ELF4: variants seen among roughly 807,000 people sequenced by gnomAD.
The protein encoded by ELF4 is E74 like ETS transcription factor 4, also known as ETS-related transcription factor Elf-4.
In ELF4, 10 loss-of-function variants were observed where a neutral mutation model predicts 31.7. The observed-to-expected ratio is 0.32, with a 90% CI of 0.19 to 0.54. ELF4 has a LOEUF of 0.54. Ranked by LOEUF, ELF4 falls within the 20% of genes least tolerant of loss-of-function variation. The probability of loss-of-function intolerance (pLI) is 0.95; values close to 1 mark genes in which losing one functional copy is unlikely to be tolerated. For missense variants in ELF4, 418 were observed against 522.0 expected (o/e 0.80, Z 1.94); for synonymous variants, 208 against 226.7 (o/e 0.92, Z 0.74).
At chrX:130,068,208 C>T (rs1220956846) in intron 8 of ELF4, among the ~76,000 whole-genome samples, 1 of 112,119 alleles carries the variant, frequency 8.9e-6, no homozygotes, top group Non-Finnish European at 1.9e-5. Context: ...TGAAAACAGC[C>T]CACAAGTGGG....
chrX:130,102,343 ATTATAAAGCTACAGTAATCAAAACAGT>A (rs1933276556), intron 1 of ELF4, among the ~76,000 whole-genome samples: 1 of 112,300 alleles, frequency 8.9e-6, no homozygotes, highest in Non-Finnish European at 1.9e-5. Flanking sequence ...TTCAAGAATG[ATTATAAAGCTACAGTAATCAAAACAGT>A]TGGTGTTAAT....
At chrX:130,091,976 C>T (rs1933066596) in intron 1 of ELF4, among the ~76,000 whole-genome samples, 1 of 112,167 alleles carries the variant, frequency 8.9e-6, no homozygotes, top group African/African-American at 3.2e-5. Flanking sequence ...CCCCATGGGC[C>T]TCCCTCACTC....
chrX:130,091,832 C>T (rs1046006529), intron 1 of ELF4, among the ~76,000 whole-genome samples: 8 of 111,640 alleles, frequency 7.2e-5, no homozygotes, highest in African/African-American at 2.6e-4. Context: ...GCCTGTCTAG[C>T]CCTATGACTT....
chrX:130,111,475 G>T (rs1027052322), upstream of ELF4, among the ~76,000 whole-genome samples: 8 of 112,940 alleles, frequency 7.1e-5, no homozygotes, highest in African/African-American at 2.2e-4. Context: ...GGGTGAGGCC[G>T]CGAGATGCCC....
rs1415756374 is a variant in ELF4, at chrX:130,065,102, G to A, written c.*1619C>T. 2.3e-5 allele frequency: 4 copies of A among 173,251 alleles called. No individual in the cohort carries two copies. The highest frequency in any genetic ancestry group is 7.9e-5 in the Admixed American group (1 of 12,595). The allele number at this position is 173,251 out of a possible 1,213,427, so 14.3% of individuals were successfully genotyped here. ...ACAAAGAAGAGAAGAGCGAGAGCGC[G>A]GCCAGGGGAGGTAGTTAGGTCAAGT... On this transcript the variant is annotated 3_prime_UTR_variant, in exon 9 of 9. Transcript: ENST00000308167.
intron 1 of ELF4, among the ~76,000 whole-genome samples, chrX:130,095,954 C>T (rs1036673400): frequency 9.0e-6 from 1 of 111,586 alleles, no homozygotes; most frequent in African/African-American, 3.3e-5. Flanking sequence ...GGGGACTAAT[C>T]ACGGGGCCCA....
chrX:130,072,344 G>A lies in ELF4; in HGVS notation c.414C>T (p.Ala138=), dbSNP rs1356533852. ...AVTLPNYLFP[A]SEPDALNRAG... ...CCCTGTTCAGGGCATCGGGCTCAGAGGCAGGAAACAGGTAGTTGGGCAGAG... is the reference window on the plus strand; with the variant it reads ...CCCTGTTCAGGGCATCGGGCTCAGAAGCAGGAAACAGGTAGTTGGGCAGAG... Residue 138 remains alanine, a synonymous_variant, in exon 5 of 9, where the codon GCC becomes GCT. Coordinates refer to ENST00000308167, the MANE Select transcript of ELF4 (RefSeq NM_001421.4). The A allele has an allele frequency of 6.6e-6, 8 of 1,211,065 alleles. No individual in the cohort carries two copies. Among genetic ancestry groups the A allele is most frequent in the Non-Finnish European group, 8.9e-6 (8 of 895,430 alleles).
At position 130,110,427 on chromosome X, in the gene ELF4, C is replaced by G. The variant is rs1342499936; in HGVS notation, c.-312G>C. ...AGACGCGGGTCCCCAGCCCCGCCAG[C>G]CCGTCCTCTCCCCTCGGAAGCCGGG... On this transcript the variant is annotated 5_prime_UTR_variant, in exon 1 of 9. Coordinates refer to ENST00000308167, the MANE Select transcript of ELF4 (RefSeq NM_001421.4). 9.0e-6 allele frequency: 1 copy of G among 111,447 alleles called. No homozygotes were observed. The highest frequency in any genetic ancestry group is 1.9e-5 in the Non-Finnish European group (1 of 52,590). The allele number at this position is 111,447 out of a possible 1,213,427, so 9.2% of individuals were successfully genotyped here. A position where few individuals can be genotyped will look rare whatever the true frequency, so the allele number is the denominator to read the frequency against.
At chrX:130,091,959 C>T (rs1010629303) in intron 1 of ELF4, among the ~76,000 whole-genome samples, 21 of 112,229 alleles carry the variant, frequency 1.9e-4, no homozygotes, top group African/African-American at 6.5e-4. Flanking sequence ...CTGTGGTTTT[C>T]CGCTGCCCCC....
At chrX:130,089,194 C>T (rs758494423) in intron 1 of ELF4, among the ~76,000 whole-genome samples, 2 of 109,529 alleles carry the variant, frequency 1.8e-5, no homozygotes, top group South Asian at 3.9e-4. Flanking sequence ...CTCACCGGCA[C>T]GATTAAAACC....
intron 1 of ELF4, among the ~76,000 whole-genome samples, chrX:130,110,101 C>T (rs1386801777): frequency 9.0e-6 from 1 of 111,729 alleles, no homozygotes; most frequent in African/African-American, 3.2e-5. Context: ...ACCCCGACTC[C>T]CCGACTCGGG....
At position 130,066,804 on chromosome X, in the gene ELF4, G is replaced by A. The variant is rs772417954; in HGVS notation, c.1909C>T (p.Leu637Phe). Residue 637 changes from leucine (L) to phenylalanine (F), a missense_variant, in exon 9 of 9, where the codon CTT (leucine) becomes TTT (phenylalanine). Leu to Phe is a conservative substitution (Grantham distance 22). This residue lies in a region of ELF4 where 260 missense variants were observed against 269.2 expected (regional missense o/e 0.97). Coordinates refer to ENST00000308167, the MANE Select transcript of ELF4 (RefSeq NM_001421.4). Reference protein sequence around the residue: ...AEPSVTTSGSLLTRSPTPAPF... With the variant: ...AEPSVTTSGSFLTRSPTPAPF... Reference sequence around the variant, plus strand: ...GCTGGGGTGGGGGATCTTGTCAGAAGGCTCCCAGATGTGGTCACACTAGGC... The same window carrying A: ...GCTGGGGTGGGGGATCTTGTCAGAAAGCTCCCAGATGTGGTCACACTAGGC... The A allele has an allele frequency of 1.7e-6, 2 of 1,209,293 alleles. No homozygotes were observed. The highest frequency in any genetic ancestry group is 1.8e-5 in the South Asian group (1 of 56,507).
intron 1 of ELF4, among the ~76,000 whole-genome samples, chrX:130,089,217 A>T (rs1451976858): frequency 9.1e-6 from 1 of 109,513 alleles, no homozygotes; most frequent in East Asian, 2.9e-4. Context: ...TCCTCAAGTT[A>T]GAAGGCCAGG....
intron 1 of ELF4, among the ~76,000 whole-genome samples, chrX:130,108,065 G>A (rs964369951): frequency 8.0e-5 from 9 of 111,944 alleles, no homozygotes; most frequent in Admixed American, 1.9e-4. Flanking sequence ...AAAATTAGCC[G>A]GGCGTGGTGG....
In ELF4 at chrX:130,081,286, T is replaced by A; in HGVS notation, c.45A>T (p.Ala15=). 1 of 1,212,148 alleles carries A rather than the reference T, an allele frequency of 8.2e-7. No homozygotes were observed. Among genetic ancestry groups the A allele is most frequent in the Non-Finnish European group, 1.1e-6 (1 of 895,577 alleles). The change falls in exon 2 of 9, where the codon GCA becomes GCT. Residue 15 remains alanine (A), a synonymous_variant. Transcript: ENST00000308167. ...GGATATCATCATCCATCCCGTTGCT[T>A]GCGAACTCAAAGATCAGGTCACTGG... ...LQPSDLIFEF[A]SNGMDDDIHQ... is the part of the protein sequence containing the mutation.
intron 2 of ELF4, among the ~76,000 whole-genome samples, chrX:130,079,108 T>C (rs1932864034): frequency 1.8e-5 from 2 of 110,601 alleles, no homozygotes; most frequent in South Asian, 7.6e-4. Context: ...AAGGTTTTCT[T>C]TTAGGGTTGG....
intron 1 of ELF4, among the ~76,000 whole-genome samples, chrX:130,102,720 G>A (rs956239528): frequency 9.3e-6 from 1 of 108,009 alleles, no homozygotes; most frequent in African/African-American, 3.4e-5. Context: ...GGAAGGCTAA[G>A]GTGGTAGGAT....
At chrX:130,106,078 C>T (rs184648305) in intron 1 of ELF4, among the ~76,000 whole-genome samples, 12 of 111,007 alleles carry the variant, frequency 1.1e-4, no homozygotes, top group African/African-American at 2.9e-4. Context: ...AAGGTCAGTT[C>T]GTGGCCAGGG....
At chrX:130,093,182 A>G (rs1933088910) in intron 1 of ELF4, among the ~76,000 whole-genome samples, 1 of 109,324 alleles carries the variant, frequency 9.1e-6, no homozygotes, top group East Asian at 2.9e-4. Context: ...TGGTGAGCCT[A>G]TAATCCCAGC....
Sources: gnomAD v4.1 joint callset for allele counts (sites outside exome capture counted in the v4.1 genomes callset) on GRCh38, gnomAD v4.1.1 for gene constraint, gnomAD v4.1.1 regional missense constraint, MANE v1.5 for transcripts, NCBI Gene and HGNC (gene_info 2026-07-23, HGNC 2026-07-21) for gene names.